The following ANK2 variants were observed in gnomAD, a reference collection of about 807,000 sequenced individuals.
ANK2 encodes ankyrin 2, also known as ankyrin-2.
Under a neutral mutation model 360.5 loss-of-function variants are expected in ANK2, and 83 were observed. The ratio of observed to expected loss-of-function variants is 0.23; its 90% CI spans 0.19 to 0.28. The LOEUF (loss-of-function observed/expected upper bound fraction) is 0.28, where lower values mean the gene tolerates loss of function less well. Among genes scored for constraint, ANK2 ranks in the 10% least tolerant of loss-of-function variants. ANK2 has a pLI of 1.00. For synonymous variants in ANK2, 1,740 were observed against 1,759.5 expected (o/e 0.99, Z 0.28); for missense variants, 4,201 against 4,795.7 (o/e 0.88, Z 3.66).
At chr4:113,237,788 T>C (rs2099395185) in intron 7 of ANK2, among the ~76,000 whole-genome samples, 166 bp downstream of exon 7, 1 of 152,218 alleles carries the variant, frequency 6.6e-6, no homozygotes. Flanking sequence ...TTCAAAGATA[T>C]TTAGTGTAAC....
chr4:113,305,440 T>G (rs889433105), intron 23 of ANK2, among the ~76,000 whole-genome samples: 1 of 152,084 alleles, frequency 6.6e-6, no homozygotes, highest in Non-Finnish European at 1.5e-5. Flanking sequence ...TGTTATATAT[T>G]AAATATTACT....
intron 1 of ANK2, among the ~76,000 whole-genome samples, chr4:113,087,920 TA>T (rs2085674056): frequency 6.6e-6 from 1 of 152,188 alleles, no homozygotes; most frequent in South Asian, 2.1e-4. Flanking sequence ...AGAAATGAAT[TA>T]TAAATAAATT....
At position 112,908,656 on chromosome 4, in the gene ANK2, C is replaced by T. The variant is rs532994554; in HGVS notation, c.21+4142C>T. The stretch of plus-strand genomic sequence containing the variant: ...AAAACTATAATGATTAGAGGACTGT[C>T]TCTGCAGGGCTTAGGACTTATGCCA... On this transcript the variant is annotated intron_variant, in intron 2 of 30. Transcript: ENST00000503271. 3.3e-5 allele frequency among the ~76,000 whole-genome samples: 5 copies of T among 152,320 alleles called. No homozygotes were observed. In the East Asian group the frequency reaches 5.8e-4, roughly 18 times the overall value.
chr4:113,290,014 C>T (rs1197656363), intron 20 of ANK2, among the ~76,000 whole-genome samples: 1 of 152,126 alleles, frequency 6.6e-6, no homozygotes, highest in Non-Finnish European at 1.5e-5. Context: ...AAATGCTTAT[C>T]ATATTTTTAA....
At chr4:113,242,038 C>A in intron 8 of ANK2, 73 bp from the exon 9 acceptor site, 1 of 1,197,936 alleles carries the variant, frequency 8.3e-7, no homozygotes, top group Non-Finnish European at 1.2e-6. Flanking sequence ...TCCTTTGTGG[C>A]CTTTAACACA....
At chr4:113,045,425 A>G (rs189984958), upstream of ANK2, among the ~76,000 whole-genome samples, 14 of 152,320 alleles carry the variant, frequency 9.2e-5, no homozygotes, top group East Asian at 1.7e-3. Context: ...TAATAAAAGA[A>G]CAACAGCCTT....
rs142614037 is a variant in ANK2 at position 112,859,106 on chromosome 4, C to G, written c.-40+40842C>G. Among the ~76,000 whole-genome samples, 33 of 152,240 alleles carry G rather than the reference C, an allele frequency of 2.2e-4. No individual in the cohort carries two copies. In the East Asian group the frequency reaches 5.2e-3, roughly 24 times the overall value. ...TGAAAACCTCGCTCGGAGGCAGACACAAGAAAAGGTTACATCAAAAGGAGA... is the reference window on the plus strand; with the variant it reads ...TGAAAACCTCGCTCGGAGGCAGACAGAAGAAAAGGTTACATCAAAAGGAGA... On this transcript the variant is annotated intron_variant, in intron 1 of 30. Coordinates refer to the ANK2 transcript ENST00000503271.
rs544521433 is a variant in ANK2, at chr4:113,179,363, G to A, written c.186+4846G>A. On this transcript the variant is annotated intron_variant, in intron 2 of 45. Coordinates refer to ENST00000357077, the MANE Select transcript of ANK2 (RefSeq NM_001148.6). ...TTCCAAAAATATCACATGTGTTGGCGTGCTAAGATTCCTTAAACTGAAATT... is the reference window on the plus strand; with the variant it reads ...TTCCAAAAATATCACATGTGTTGGCATGCTAAGATTCCTTAAACTGAAATT... 1.3e-4 allele frequency among the ~76,000 whole-genome samples: 20 copies of A among 152,220 alleles called. No individual in the cohort carries two copies. The South Asian group carries it at 2.5e-3, about 19-fold the overall frequency.
chr4:113,181,193 G>C (rs987379405), intron 2 of ANK2, among the ~76,000 whole-genome samples: 1 of 152,088 alleles, frequency 6.6e-6, no homozygotes, highest in African/African-American at 2.4e-5. Flanking sequence ...TAAAAATGCT[G>C]GGAGTAGCTT....
chr4:112,838,087 T>A (rs2061371024), intron 1 of ANK2, among the ~76,000 whole-genome samples: 1 of 152,146 alleles, frequency 6.6e-6, no homozygotes, highest in Non-Finnish European at 1.5e-5. Context: ...TCCCCACATG[T>A]TGAGGGAGGG....
At chr4:113,098,185 A>C (rs1407754886) in intron 1 of ANK2, among the ~76,000 whole-genome samples, 1 of 151,806 alleles carries the variant, frequency 6.6e-6, no homozygotes, top group African/African-American at 2.4e-5. Context: ...ATAAACCTAA[A>C]GCAAACAGAA....
the ANK2 span, among the ~76,000 whole-genome samples, chr4:112,806,192 C>T: frequency 6.6e-6 from 1 of 152,108 alleles, no homozygotes; most frequent in Non-Finnish European, 1.5e-5. Context: ...TTAACCATCG[C>T]CACATTTCTC....
intron 35 of ANK2, 135 bp from the exon 36 acceptor site, chr4:113,348,141 A>AG (rs2095079480): frequency 1.2e-6 from 1 of 826,612 alleles, no homozygotes; most frequent in Non-Finnish European, 2.0e-6. Context: ...TAATAAAAAA[A>AG]GAGTATGTTG....
At chr4:113,142,248 T>A (rs1191729635) in intron 1 of ANK2, among the ~76,000 whole-genome samples, 1 of 152,190 alleles carries the variant, frequency 6.6e-6, no homozygotes, top group Non-Finnish European at 1.5e-5. Context: ...ATATAGGTTG[T>A]CACATCACCC....
intron 2 of ANK2, among the ~76,000 whole-genome samples, chr4:112,995,448 A>G (rs2048212504): frequency 6.6e-6 from 1 of 151,880 alleles, no homozygotes; most frequent in African/African-American, 2.4e-5. Flanking sequence ...TAATAGGGTT[A>G]TTTGTTTTTT....
chr4:113,159,679 G>A (rs148515060), intron 1 of ANK2, among the ~76,000 whole-genome samples: 3 of 151,772 alleles, frequency 2.0e-5, no homozygotes, highest in Admixed American at 2.0e-4. Flanking sequence ...CACGATCTCG[G>A]CTCACTGTAA....
intron 1 of ANK2, among the ~76,000 whole-genome samples, chr4:113,125,921 G>A (rs1364081419): frequency 6.6e-6 from 1 of 152,132 alleles, no homozygotes; most frequent in Non-Finnish European, 1.5e-5. Flanking sequence ...TCTTTAATAG[G>A]TGTTACCTGG....
chr4:113,245,066 A>G (rs995613176), intron 9 of ANK2, among the ~76,000 whole-genome samples: 3 of 152,162 alleles, frequency 2.0e-5, no homozygotes, highest in African/African-American at 7.2e-5. Flanking sequence ...ATAGGGTTGC[A>G]TTGATCTTTT....
At chr4:112,864,980 C>T (rs1044247342) in intron 1 of ANK2, among the ~76,000 whole-genome samples, 1 of 130,692 alleles carries the variant, frequency 7.7e-6, no homozygotes, top group African/African-American at 3.0e-5. Context: ...TGCAGTGAGC[C>T]GAGATCGCGC....
Sources: allele counts gnomAD v4.1 joint callset (sites outside exome capture counted in the v4.1 genomes callset), GRCh38; gene constraint gnomAD v4.1.1; transcripts MANE v1.5; gene names NCBI Gene and HGNC (gene_info 2026-07-23, HGNC 2026-07-21).